CSMD2: variants seen among roughly 807,000 people sequenced by gnomAD.
The protein encoded by CSMD2 is CUB and sushi domain-containing protein 2.
In CSMD2, 130 loss-of-function variants were observed where a neutral mutation model predicts 398.5. That is an observed-to-expected ratio of 0.33 (90% CI 0.28 to 0.38). The LOEUF (loss-of-function observed/expected upper bound fraction) is 0.38. Ranked by LOEUF, CSMD2 falls within the 10% of genes least tolerant of loss-of-function variation. The pLI is 1.00. For synonymous variants in CSMD2, 1,828 were observed against 1,908.5 expected (o/e 0.96, Z 1.10); for missense variants, 3,829 against 4,764.9 (o/e 0.80, Z 5.78).
At chr1:33,829,476 G>A (rs897840299) in intron 6 of CSMD2, among the ~76,000 whole-genome samples, 3 of 152,026 alleles carry the variant, frequency 2.0e-5, no homozygotes, top group South Asian at 2.1e-4. Flanking sequence ...GTGTCATGTC[G>A]GTGTGCTGCA....
chr1:33,732,005 T>C (rs1002219196), intron 15 of CSMD2, among the ~76,000 whole-genome samples: 12 of 152,172 alleles, frequency 7.9e-5, no homozygotes, highest in Non-Finnish European at 1.6e-4. Flanking sequence ...GGTTGACTGA[T>C]AGGTACATGT....
In CSMD2 at chr1:34,154,723, C is replaced by T. The variant is rs540984236; in HGVS notation, c.187+10188G>A. On this transcript the variant is annotated intron_variant, in intron 1 of 70. Transcript: ENST00000373381. ...CAACCCTACACATTTTATAAGGATC[C>T]AGGCTTTTTTTTTTTTTTTTTTGAG... 7.1e-3 allele frequency among the ~76,000 whole-genome samples: 810 copies of T among 114,260 alleles called. 5 individuals carry two copies. The highest frequency in any genetic ancestry group is 7.6e-3 in the Non-Finnish European group (459 of 60,594). 75.0% of individuals were successfully genotyped at this position (114,260 alleles called of 152,430 possible).
In CSMD2 at chr1:33,698,832, G is replaced by A; in HGVS notation, c.3846C>T (p.Tyr1282=). The A allele has an allele frequency of 6.2e-7, 1 of 1,614,224 alleles. No homozygotes were observed. The highest frequency in any genetic ancestry group is 1.1e-5 in the South Asian group (1 of 91,084). ...SSVSFSCDPG[Y]SLRGSEELLC... is the part of the protein sequence containing the mutation. Reference sequence around the variant, plus strand: ...GCAGCTCCTCACTACCCCGCAGGCTGTATCCAGGGTCACAGCTGAAGGACA... The same window carrying A: ...GCAGCTCCTCACTACCCCGCAGGCTATATCCAGGGTCACAGCTGAAGGACA... Residue 1282 remains tyrosine (Y), a synonymous_variant, in exon 24 of 71, where the codon TAC becomes TAT. Coordinates refer to ENST00000373381, the MANE Select transcript of CSMD2 (RefSeq NM_001281956.2).
chr1:33,924,494 G>A (rs1644056727), intron 4 of CSMD2, among the ~76,000 whole-genome samples: 2 of 152,118 alleles, frequency 1.3e-5, no homozygotes, highest in Non-Finnish European at 2.9e-5. Context: ...TTGTGTTTCA[G>A]TAAACATGGG....
chr1:33,557,151 A>T (rs1199891845), intron 55 of CSMD2, among the ~76,000 whole-genome samples: 2 of 152,170 alleles, frequency 1.3e-5, no homozygotes, highest in Non-Finnish European at 2.9e-5. Context: ...CTTTTAATAG[A>T]TTTTGTTTCC....
intron 13 of CSMD2, among the ~76,000 whole-genome samples, chr1:33,770,419 T>G (rs983799817): frequency 6.6e-6 from 1 of 152,206 alleles, no homozygotes; most frequent in Non-Finnish European, 1.5e-5. Context: ...CCAGGACCTA[T>G]AAAAGCATCA....
chr1:33,901,405 A>G (rs1339111222), intron 5 of CSMD2, among the ~76,000 whole-genome samples: 1 of 152,200 alleles, frequency 6.6e-6, no homozygotes, highest in East Asian at 1.9e-4. Context: ...CCAGGACTCT[A>G]CTGAGCCCTG....
intron 3 of CSMD2, among the ~76,000 whole-genome samples, chr1:33,940,595 T>G (rs1644636370): frequency 6.6e-6 from 1 of 152,118 alleles, no homozygotes; most frequent in African/African-American, 2.4e-5. Flanking sequence ...TTCACTTGCT[T>G]GCCCAAGGCC....
At chr1:34,036,127 A>T (rs1483131907) in intron 2 of CSMD2, among the ~76,000 whole-genome samples, 1 of 152,212 alleles carries the variant, frequency 6.6e-6, no homozygotes, top group Non-Finnish European at 1.5e-5. Context: ...TTAAGAAAAA[A>T]AAAACCACAT....
In CSMD2 at chr1:33,559,352, C is replaced by A; in HGVS notation, c.8502G>T (p.Arg2834Ser). The A allele has an allele frequency of 6.5e-7, 1 of 1,536,018 alleles. No homozygotes were observed. Among genetic ancestry groups the A allele is most frequent in the Non-Finnish European group, 8.7e-7 (1 of 1,146,922 alleles). ...NPGYMAEGAA[R>S]SQCLASGQWS... ...ATTGCCCGCTGGCCAGGCATTGGGACCTAGCAGCCCCCTCAGCCATATACC... is the reference window on the plus strand; with the variant it reads ...ATTGCCCGCTGGCCAGGCATTGGGAACTAGCAGCCCCCTCAGCCATATACC... Residue 2834 changes from arginine to serine, a missense_variant, in exon 54 of 71, where the codon AGG becomes AGT. This residue lies in a region of CSMD2 where 917 missense variants were observed against 1,199.5 expected (regional missense o/e 0.76). Transcript: ENST00000373381. The surrounding 1 kb of genome is among the most constrained non-coding windows in gnomAD (Gnocchi z 4.0).
chr1:33,647,100 C>T (rs533511821), intron 28 of CSMD2, among the ~76,000 whole-genome samples: 2 of 152,188 alleles, frequency 1.3e-5, no homozygotes, highest in South Asian at 2.1e-4. Flanking sequence ...GAAAACCTAA[C>T]GTCCTCCTTA....
chr1:34,030,406 G>A (rs555234069), intron 3 of CSMD2, among the ~76,000 whole-genome samples: 1 of 152,172 alleles, frequency 6.6e-6, no homozygotes. Flanking sequence ...ACATGTCAAC[G>A]AATGGGCATG....
In CSMD2 at chr1:33,537,426, G is replaced by C. The variant is rs760600415; in HGVS notation, c.9805+10C>G. On this transcript the variant is annotated intron_variant, in intron 61 of 70. Transcript: ENST00000373381. This position sits in a 1 kb window ranked among gnomAD's most constrained non-coding sequence, Gnocchi z 4.6. ...AGCCAAGACGCTCCCTGCTCCAGAT[G>C]ACCTCTCACCTATGCAGCTGGGCTG... 6.2e-7 allele frequency: 1 copy of C among 1,601,056 alleles called. No individual in the cohort carries two copies. Among genetic ancestry groups the C allele is most frequent in the Non-Finnish European group, 8.5e-7 (1 of 1,172,578 alleles).
intron 5 of CSMD2, among the ~76,000 whole-genome samples, chr1:33,862,004 T>A (rs1039096293): frequency 6.6e-6 from 1 of 152,100 alleles, no homozygotes. Context: ...GATCCTCTGA[T>A]GTGGCTCATA....
At chr1:34,155,959 A>G (rs540914257) in intron 1 of CSMD2, among the ~76,000 whole-genome samples, 1 of 152,332 alleles carries the variant, frequency 6.6e-6, no homozygotes, top group South Asian at 2.1e-4. Flanking sequence ...TTAGGGGCAT[A>G]GCCAAGCCTG....
chr1:33,921,776 G>C (rs939560913), intron 4 of CSMD2, among the ~76,000 whole-genome samples: 1 of 152,188 alleles, frequency 6.6e-6, no homozygotes, highest in Admixed American at 6.5e-5. Flanking sequence ...TAGGTGTGGA[G>C]AAGAGGGTTT....
intron 2 of CSMD2, among the ~76,000 whole-genome samples, chr1:34,076,197 G>T (rs1656306353): frequency 6.6e-6 from 1 of 152,170 alleles, no homozygotes; most frequent in Non-Finnish European, 1.5e-5. Flanking sequence ...CATCAATGAT[G>T]CCAGGTGAAG....
intron 19 of CSMD2, among the ~76,000 whole-genome samples, chr1:33,720,297 G>A (rs1166294808): frequency 6.6e-6 from 1 of 152,202 alleles, no homozygotes; most frequent in Non-Finnish European, 1.5e-5. Context: ...CTGTCAGGGA[G>A]ACTGATGATG....
In CSMD2 at chr1:33,537,630, AG is replaced by A. The variant is rs1570656320; in HGVS notation, c.9632-22del. 1 of 1,599,710 alleles carries A rather than the reference AG, an allele frequency of 6.3e-7. No homozygotes were observed. On this transcript the variant is annotated intron_variant, in intron 60 of 70. Transcript: ENST00000373381. The surrounding 1 kb of genome is among the most constrained non-coding windows in gnomAD (Gnocchi z 4.6). The stretch of plus-strand genomic sequence containing the variant: ...CACAGCTGGGAAGACGAAGGGAGAA[AG>A]GCAGGTCTAAGTTGCTTTCCAGAAC...
Sources: allele counts gnomAD v4.1 joint callset (sites outside exome capture counted in the v4.1 genomes callset), GRCh38; gene constraint gnomAD v4.1.1; regional missense constraint gnomAD v4.1.1; non-coding constraint Gnocchi (gnomAD v3.1); transcripts MANE v1.5; gene names NCBI Gene and HGNC (gene_info 2026-07-23, HGNC 2026-07-21).